Variants in FNBP1 observed in about 807,000 individuals in gnomAD.
FNBP1 encodes the protein formin binding protein 1.
In FNBP1, 26 loss-of-function variants were observed where a neutral mutation model predicts 90.6. The ratio of observed to expected loss-of-function variants is 0.29; its 90% CI spans 0.21 to 0.40. FNBP1 has a LOEUF of 0.40. FNBP1 is among the 10% of genes least tolerant of loss of function. The probability of loss-of-function intolerance (pLI) is 1.00; values close to 1 mark genes in which losing one functional copy is unlikely to be tolerated. For missense variants in FNBP1, 635 were observed against 768.0 expected (o/e 0.83, Z 2.05); for synonymous variants, 260 against 265.2 (o/e 0.98, Z 0.19).
chr9:129,906,436 G>C (rs2038071184), intron 12 of FNBP1, among the ~76,000 whole-genome samples: 1 of 152,118 alleles, frequency 6.6e-6, no homozygotes, highest in Non-Finnish European at 1.5e-5. Flanking sequence ...GGAAGTAATT[G>C]AATCATGGGG....
At chr9:129,911,518 T>G (rs1333863501) in intron 11 of FNBP1, among the ~76,000 whole-genome samples, 1 of 152,190 alleles carries the variant, frequency 6.6e-6, no homozygotes, top group Admixed American at 6.5e-5. Flanking sequence ...ACAGGGTTTT[T>G]GGGGAGATTC....
At chr9:129,914,755 G>GTGTATA (rs71499203) in intron 11 of FNBP1, among the ~76,000 whole-genome samples, 15,609 of 97,446 alleles carry the variant, frequency 0.16, 2,479 homozygotes, top group East Asian at 0.23. Flanking sequence ...ACATACATAT[G>GTGTATA]TCTATATATA....
Position 129,924,975 on chromosome 9 carries a change from G to A in FNBP1, c.972C>T (p.Phe324=). The change falls in exon 9 of 17, where the codon TTC becomes TTT. Residue 324 remains phenylalanine, a synonymous_variant. Coordinates refer to ENST00000446176, the MANE Select transcript of FNBP1 (RefSeq NM_015033.3). ...CCATCAGTACCTTATTTTTTTTGAT[G>A]AACGGCCATAACTTTCCTTTGGATT... The part of the protein sequence containing the change: ...GGKSKGKLWP[F]IKKNKLMSLL... 6.2e-7 allele frequency: 1 copy of A among 1,608,140 alleles called. No homozygotes were observed. Among genetic ancestry groups the A allele is most frequent in the East Asian group, 2.2e-5 (1 of 44,860 alleles).
chr9:129,992,140 T>C (rs2053262209), intron 2 of FNBP1, among the ~76,000 whole-genome samples: 1 of 152,180 alleles, frequency 6.6e-6, no homozygotes, highest in South Asian at 2.1e-4. Flanking sequence ...GAGAAGCAGA[T>C]GCTGGGCACA....
chr9:129,911,700 A>C (rs975394023), intron 11 of FNBP1, among the ~76,000 whole-genome samples: 2 of 152,136 alleles, frequency 1.3e-5, no homozygotes, highest in Admixed American at 1.3e-4. Context: ...TGGGAGGCTG[A>C]GGCAGGCAGA....
At position 129,923,309 on chromosome 9, in the gene FNBP1, A is replaced by G. The variant is rs187234032; in HGVS notation, c.1170+535T>C. ...AAACGAAAAGAAAAAGGCCGGGCGCAGTGGCTCACACCTGTAATCCCAGCA... is the reference window on the plus strand; with the variant it reads ...AAACGAAAAGAAAAAGGCCGGGCGCGGTGGCTCACACCTGTAATCCCAGCA... On this transcript the variant is annotated intron_variant, in intron 10 of 16. Transcript: ENST00000446176. Among the ~76,000 whole-genome samples the G allele has an allele frequency of 2.3e-4, 35 of 152,182 alleles. No individual in the cohort carries two copies. The East Asian group carries it at 6.4e-3, about 28-fold the overall frequency.
chr9:129,895,991 T>C lies in FNBP1; in HGVS notation c.1693A>G (p.Asn565Asp), dbSNP rs2035655736. Residue 565 changes from asparagine to aspartate, a missense_variant, in exon 16 of 17, where the codon AAT (asparagine) becomes GAT (aspartate). Physicochemically the swap from Asn to Asp is conservative, Grantham distance 23. Transcript: ENST00000446176. The stretch of plus-strand genomic sequence containing the variant: ...TCAACTACGGAAATCGTTCCTTCAT[T>C]CTGACCTGAAAAAGCAATATCAGGA... ...CKALYTFEGQ[N>D]EGTISVVEGE... The C allele has an allele frequency of 3.1e-6, 5 of 1,607,242 alleles. No individual in the cohort carries two copies. In the South Asian group the frequency reaches 5.6e-5, roughly 18 times the overall value.
At chr9:129,932,041 T>C (rs2042832660) in intron 6 of FNBP1, among the ~76,000 whole-genome samples, 1 of 151,244 alleles carries the variant, frequency 6.6e-6, no homozygotes, top group African/African-American at 2.4e-5. Flanking sequence ...TGAAACCCCG[T>C]CTCTACTAAA....
intron 2 of FNBP1, among the ~76,000 whole-genome samples, chr9:129,992,618 A>G (rs1047261970): frequency 7.6e-6 from 1 of 131,808 alleles, no homozygotes; most frequent in Admixed American, 9.2e-5. Context: ...CAGTGGCGCG[A>G]TCTTGGCTCA....
At chr9:129,974,956 C>G (rs932057069) in intron 4 of FNBP1, among the ~76,000 whole-genome samples, 1 of 151,630 alleles carries the variant, frequency 6.6e-6, no homozygotes, top group Non-Finnish European at 1.5e-5. Flanking sequence ...CAGTGGCTCA[C>G]GCCTGTAATC....
intron 6 of FNBP1, among the ~76,000 whole-genome samples, chr9:129,941,498 C>T (rs894474373): frequency 1.1e-4 from 17 of 152,122 alleles, no homozygotes; most frequent in African/African-American, 4.1e-4. Context: ...CAGAGTCTTG[C>T]TCTGTTAACC....
chr9:129,987,592 G>C (rs2052483604), intron 2 of FNBP1, among the ~76,000 whole-genome samples: 1 of 151,948 alleles, frequency 6.6e-6, no homozygotes, highest in African/African-American at 2.4e-5. Context: ...CCAGGCTGGA[G>C]TGCAGTGGCG....
chr9:129,950,767 C>CCCCTTTACACACAGAAAACTG, intron 6 of FNBP1, among the ~76,000 whole-genome samples: 1 of 152,212 alleles, frequency 6.6e-6, no homozygotes, highest in Admixed American at 6.6e-5. Context: ...CTGCTCTGAA[C>CCCCTTTACACACAGAAAACTG]CTCACAGTTT....
chr9:129,975,629 C>G (rs76210437), intron 4 of FNBP1, among the ~76,000 whole-genome samples: 2 of 151,928 alleles, frequency 1.3e-5, no homozygotes, highest in Non-Finnish European at 2.9e-5. Context: ...CGAGGGGGCA[C>G]GGTGGCTCAC....
At position 130,042,112 on chromosome 9, in the gene FNBP1, C is replaced by T. The variant is rs2059878058; in HGVS notation, c.24+840G>A. 6.6e-6 allele frequency among the ~76,000 whole-genome samples: 1 copy of T among 152,068 alleles called. No individual in the cohort carries two copies. Among genetic ancestry groups the T allele is most frequent in the African/African-American group, 2.4e-5 (1 of 41,404 alleles). On this transcript the variant is annotated intron_variant, in intron 1 of 16. Coordinates refer to ENST00000446176, the MANE Select transcript of FNBP1 (RefSeq NM_015033.3). The surrounding 1 kb of genome is among the most constrained non-coding windows in gnomAD (Gnocchi z 5.5). Reference sequence around the variant, plus strand: ...ATCCACAGCCAGCCCCTCGCCTTTCCGGGGACGGCCCTCAGCCCTGAGGGC... The same window carrying T: ...ATCCACAGCCAGCCCCTCGCCTTTCTGGGGACGGCCCTCAGCCCTGAGGGC...
chr9:129,986,773 G>C (rs1481115406), intron 2 of FNBP1, among the ~76,000 whole-genome samples: 2 of 151,906 alleles, frequency 1.3e-5, no homozygotes, highest in Non-Finnish European at 2.9e-5. Flanking sequence ...CTGGGTGACA[G>C]AGCGAGATGC....
chr9:130,024,477 C>A (rs1284831753), intron 1 of FNBP1, among the ~76,000 whole-genome samples: 3 of 152,042 alleles, frequency 2.0e-5, no homozygotes, highest in Non-Finnish European at 4.4e-5. Flanking sequence ...TTGAACACTG[C>A]TAATGGAGAG....
At position 129,900,476 on chromosome 9, in the gene FNBP1, G is replaced by A. The variant is rs758841600; in HGVS notation, c.1500C>T (p.Tyr500=). ...SEQARRQSGL[Y]DSQNPPTVNN... Reference sequence around the variant, plus strand: ...TGACTGTGGGTGGGTTCTGGCTGTCGTACAGTCCGCTCTGCCGGCGCGCCT... The same window carrying A: ...TGACTGTGGGTGGGTTCTGGCTGTCATACAGTCCGCTCTGCCGGCGCGCCT... The change falls in exon 14 of 17, where the codon TAC becomes TAT. Residue 500 remains tyrosine (Y), a synonymous_variant. Transcript: ENST00000446176. The surrounding 1 kb of genome is among the most constrained non-coding windows in gnomAD (Gnocchi z 4.1). 30 of 1,604,514 alleles carry A rather than the reference G, an allele frequency of 1.9e-5. No individual in the cohort carries two copies. The highest frequency in any genetic ancestry group is 1.7e-4 in the Middle Eastern group (1 of 5,980).
At chr9:129,993,914 T>C (rs2053600151) in intron 2 of FNBP1, among the ~76,000 whole-genome samples, 1 of 152,280 alleles carries the variant, frequency 6.6e-6, no homozygotes, top group African/African-American at 2.4e-5. Flanking sequence ...CGTGAGCCAC[T>C]GCGCCCGGCC....
Sources: gnomAD v4.1 joint callset for allele counts (sites outside exome capture counted in the v4.1 genomes callset) on GRCh38, gnomAD v4.1.1 for gene constraint, Gnocchi (gnomAD v3.1) non-coding constraint, MANE v1.5 for transcripts, NCBI Gene and HGNC (gene_info 2026-07-23, HGNC 2026-07-21) for gene names.